The following TAPBP variants were observed in gnomAD, a reference collection of about 807,000 sequenced individuals.
TAPBP encodes the protein tapasin.
In TAPBP, 38 loss-of-function variants were observed where a neutral mutation model predicts 45.7. The ratio of observed to expected loss-of-function variants is 0.83; its 90% CI spans 0.64 to 1.09. TAPBP has a LOEUF of 1.09. Ranked by LOEUF, TAPBP falls within the 50% of genes least tolerant of loss-of-function variation. The pLI is 0.00. For synonymous variants in TAPBP, 226 were observed against 254.8 expected, an observed-to-expected ratio of 0.89 and a Z score of 1.08; for missense variants, 513 against 587.3, an observed-to-expected ratio of 0.87 and a Z score of 1.31.
intron 3 of TAPBP, among the ~76,000 whole-genome samples, chr6:33,311,347 C>T (rs546823911): frequency 2.6e-5 from 4 of 151,292 alleles, no homozygotes; most frequent in African/African-American, 9.7e-5. Flanking sequence ...AAATAAATAG[C>T]AGGCAGGCGC....
At position 33,313,902 on chromosome 6, in the gene TAPBP, G is replaced by A. The variant is rs967116372; in HGVS notation, c.38-38C>T. The A allele has an allele frequency of 6.2e-7, 1 of 1,613,068 alleles. No individual in the cohort carries two copies. The highest frequency in any genetic ancestry group is 8.5e-7 in the Non-Finnish European group (1 of 1,179,550). ...GACGCGAGTGAGGAGCGGTTTGTAT[G>A]TCTGGTGACCTGCCCCACTCCCACC... On this transcript the variant is annotated intron_variant, in intron 1 of 7. Transcript: ENST00000434618. This position sits in a 1 kb window ranked among gnomAD's most constrained non-coding sequence, Gnocchi z 7.2.
chr6:33,307,318 C>T (rs960557850), intron 3 of TAPBP, among the ~76,000 whole-genome samples: 21 of 151,508 alleles, frequency 1.4e-4, no homozygotes, highest in Non-Finnish European at 2.8e-4. Context: ...AATAAAAATC[C>T]CAAATACCTA....
chr6:33,301,521 C>A lies in TAPBP; in HGVS notation c.*239G>T. On this transcript the variant is annotated 3_prime_UTR_variant, in exon 8 of 8. Coordinates refer to ENST00000434618, the MANE Select transcript of TAPBP (RefSeq NM_003190.5). ...CCCAGGAGGCGGAGGTTGCAGTAAG[C>A]CAAGATCATGCCACTGCACTGCAGC... is the stretch of plus-strand genomic sequence containing the variant. 1 of 527,064 alleles carries A rather than the reference C, an allele frequency of 1.9e-6. No individual in the cohort carries two copies. Among genetic ancestry groups the A allele is most frequent in the African/African-American group, 1.9e-5 (1 of 51,520 alleles). 32.6% of individuals were successfully genotyped at this position (527,064 alleles called of 1,614,324 possible).
Position 33,301,168 on chromosome 6 carries a change from G to A in TAPBP, c.*592C>T. On this transcript the variant is annotated 3_prime_UTR_variant, in exon 8 of 8. Coordinates refer to ENST00000434618, the MANE Select transcript of TAPBP (RefSeq NM_003190.5). ...ATAGCTATAACCCACATACCCAAAA[G>A]CTTTTTGGGGTCCTTGATGATTTTT... is the stretch of plus-strand genomic sequence containing the variant. 6.6e-6 allele frequency: 1 copy of A among 152,346 alleles called. No homozygotes were observed. Among genetic ancestry groups the A allele is most frequent in the East Asian group, 1.9e-4 (1 of 5,198 alleles). The allele number at this position is 152,346 out of a possible 1,614,324, so 9.4% of individuals were successfully genotyped here.
rs1562681065 is a variant in TAPBP, at chr6:33,301,751, T to C, written c.*9A>G. Reference sequence around the variant, plus strand: ...GATGGTGGCTTCCACAGGATGGCAGTGAGTGCCCTCACTCTGCTTTCTGGA... The same window carrying C: ...GATGGTGGCTTCCACAGGATGGCAGCGAGTGCCCTCACTCTGCTTTCTGGA... On this transcript the variant is annotated 3_prime_UTR_variant, in exon 8 of 8. Coordinates refer to ENST00000434618, the MANE Select transcript of TAPBP (RefSeq NM_003190.5). 2 of 1,613,686 alleles carry C rather than the reference T, an allele frequency of 1.2e-6. No individual in the cohort carries two copies. The highest frequency in any genetic ancestry group is 8.5e-7 in the Non-Finnish European group (1 of 1,179,666).
At chr6:33,304,695 G>C in intron 4 of TAPBP, 57 bp from the exon 5 acceptor site, 1 of 1,493,290 alleles carries the variant, frequency 6.7e-7, no homozygotes. Flanking sequence ...TCCTCCCTAA[G>C]AGACCCTCAG....
chr6:33,307,438 G>A (rs570339807), intron 3 of TAPBP, among the ~76,000 whole-genome samples: 35 of 115,254 alleles, frequency 3.0e-4, no homozygotes, highest in Non-Finnish European at 3.9e-4. Flanking sequence ...AGTTTTGCTC[G>A]TCACCTAGGC....
At chr6:33,311,812 G>A (rs944239380) in intron 3 of TAPBP, among the ~76,000 whole-genome samples, 1 of 152,108 alleles carries the variant, frequency 6.6e-6, no homozygotes, top group African/African-American at 2.4e-5. Context: ...AGAACCTCCT[G>A]GAGAGCAGAG....
chr6:33,304,211 G>A lies in TAPBP; in HGVS notation c.1217C>T (p.Ser406Leu), dbSNP rs1173960431. The A allele has an allele frequency of 2.5e-6, 4 of 1,613,352 alleles. No homozygotes were observed. Among genetic ancestry groups the A allele is most frequent in the Non-Finnish European group, 3.4e-6 (4 of 1,179,736 alleles). Residue 406 changes from serine (S) to leucine (L), a missense_variant, in exon 6 of 8, where the codon TCA (serine) becomes TTA (leucine). Coordinates refer to ENST00000434618, the MANE Select transcript of TAPBP (RefSeq NM_003190.5). ...AEVTLEVAGLSGPSLEDSVGL... is the reference protein window; with the variant it reads ...AEVTLEVAGLLGPSLEDSVGL... The stretch of plus-strand genomic sequence containing the variant: ...TACGCTGTCCTCAAGGGAGGGCCCT[G>A]AAAGACCTGGCAGGCAGAAGGGGTG...
At chr6:33,303,257 A>G (rs1360105025) in intron 7 of TAPBP, among the ~76,000 whole-genome samples, 3 of 152,090 alleles carry the variant, frequency 2.0e-5, no homozygotes, top group Admixed American at 2.0e-4. Context: ...CGTCTCTACT[A>G]AAAATACAAA....
At chr6:33,311,672 A>T (rs1304193382) in intron 3 of TAPBP, among the ~76,000 whole-genome samples, 1 of 152,210 alleles carries the variant, frequency 6.6e-6, no homozygotes, top group African/African-American at 2.4e-5. Context: ...TAAATAGCAC[A>T]GCACCTTGCT....
In TAPBP at chr6:33,305,617, G is replaced by T. The variant is rs1356855846; in HGVS notation, c.470-230C>A. 1.3e-5 allele frequency among the ~76,000 whole-genome samples: 2 copies of T among 152,092 alleles called. No homozygotes were observed. Among genetic ancestry groups the T allele is most frequent in the Non-Finnish European group, 2.9e-5 (2 of 68,012 alleles). Reference sequence around the variant, plus strand: ...GGGTGAGCAGAGAGGTCTAGGGGTGGTGAGTAGGGGCAATGAGGGGGTATG... The same window carrying T: ...GGGTGAGCAGAGAGGTCTAGGGGTGTTGAGTAGGGGCAATGAGGGGGTATG... On this transcript the variant is annotated intron_variant, in intron 3 of 7. Coordinates refer to ENST00000434618, the MANE Select transcript of TAPBP (RefSeq NM_003190.5). The surrounding 1 kb of genome is among the most constrained non-coding windows in gnomAD (Gnocchi z 4.4).
intron 3 of TAPBP, among the ~76,000 whole-genome samples, chr6:33,309,434 T>C (rs1581749843): frequency 6.6e-6 from 1 of 150,494 alleles, no homozygotes; most frequent in Middle Eastern, 3.5e-3. Flanking sequence ...CTGGGCAGGG[T>C]GGCTCAGACT....
At chr6:33,302,831 T>G (rs1581736720) in intron 7 of TAPBP, among the ~76,000 whole-genome samples, 1 of 149,268 alleles carries the variant, frequency 6.7e-6, no homozygotes, top group Non-Finnish European at 1.5e-5. Context: ...TTAGTAGAGA[T>G]GGGGTTTCAT....
chr6:33,302,728 C>G (rs1008516986), intron 7 of TAPBP, among the ~76,000 whole-genome samples: 3 of 151,900 alleles, frequency 2.0e-5, no homozygotes, highest in African/African-American at 7.3e-5. Flanking sequence ...TCACTGCAAC[C>G]TCTGCCTCCC....
At position 33,313,486 on chromosome 6, in the gene TAPBP, AGAG is replaced by A; in HGVS notation, c.209-12_209-10del. 1 of 1,551,562 alleles carries A rather than the reference AGAG, an allele frequency of 6.4e-7. No homozygotes were observed. The highest frequency in any genetic ancestry group is 1.2e-5 in the South Asian group (1 of 84,292). On this transcript the variant is annotated splice_polypyrimidine_tract_variant and intron_variant, in intron 2 of 7. Transcript: ENST00000434618. This position sits in a 1 kb window ranked among gnomAD's most constrained non-coding sequence, Gnocchi z 7.2. ...GAGGGCGCCCGCGGGGTCTGAGTGT[AGAG>A]AAGGAAGTTGCAGCTGTAGAGTCAC...
rs1350625021 is a variant in TAPBP, at chr6:33,304,988, C to A, written c.868+1G>T. 2 of 1,613,736 alleles carry A rather than the reference C, an allele frequency of 1.2e-6. No individual in the cohort carries two copies. The highest frequency in any genetic ancestry group is 1.7e-6 in the Non-Finnish European group (2 of 1,179,804). ...CTGGAGACCTCTGTCCCCCAACTCA[C>A]TGTACACAGCAAGCTCCAGGGTGAC... On this transcript the variant is annotated splice_donor_variant, in intron 4 of 7. Coordinates refer to ENST00000434618, the MANE Select transcript of TAPBP (RefSeq NM_003190.5). LOFTEE classifies it high-confidence loss of function.
Position 33,304,665 on chromosome 6 carries a change from A to G in TAPBP, c.869-27T>C, listed in dbSNP as rs750114405. On this transcript the variant is annotated intron_variant, in intron 4 of 7. Coordinates refer to ENST00000434618, the MANE Select transcript of TAPBP (RefSeq NM_003190.5). ...TGGGGAAAGAGGACGAAATGAGCAT[A>G]GGGAAATCAGTCCATACTGTCCTCC... The G allele has an allele frequency of 5.2e-6, 8 of 1,535,626 alleles. No individual in the cohort carries two copies. The South Asian group carries it at 8.5e-5, about 16-fold the overall frequency.
At position 33,305,009 on chromosome 6, in the gene TAPBP, G is replaced by T; in HGVS notation, c.848C>A (p.Thr283Asn). The T allele has an allele frequency of 6.2e-7, 1 of 1,614,156 alleles. No individual in the cohort carries two copies. The highest frequency in any genetic ancestry group is 2.2e-5 in the East Asian group (1 of 44,870). The change falls in exon 4 of 8, where the codon ACC (threonine) becomes AAC (asparagine). Residue 283 changes from threonine to asparagine, a missense_variant. By Grantham distance (65) the Thr-to-Asn change is moderately conservative. Transcript: ENST00000434618. The surrounding 1 kb of genome is among the most constrained non-coding windows in gnomAD (Gnocchi z 4.4). ...CTCACTGTACACAGCAAGCTCCAGG[G>T]TGACCTGTCCTTGCAGGTATGGCAG... is the stretch of plus-strand genomic sequence containing the variant. ...IHLPYLQGQV[T>N]LELAVYKPPK...
Sources: allele counts gnomAD v4.1 joint callset (sites outside exome capture counted in the v4.1 genomes callset), GRCh38; gene constraint gnomAD v4.1.1; non-coding constraint Gnocchi (gnomAD v3.1); transcripts MANE v1.5; gene names NCBI Gene and HGNC (gene_info 2026-07-23, HGNC 2026-07-21).